Variants in ROCK1 observed in about 807,000 individuals in gnomAD.
ROCK1 encodes rho-associated protein kinase 1.
ROCK1 carries 36 observed loss-of-function variants against 196.8 expected under a neutral mutation model. The ratio of observed to expected loss-of-function variants is 0.18; its 90% confidence interval spans 0.14 to 0.24. The LOEUF (loss-of-function observed/expected upper bound fraction) is 0.24. ROCK1 is among the 10% of genes least tolerant of loss of function. The pLI is 1.00. For missense variants in ROCK1, 920 were observed against 1,562.0 expected (o/e 0.59, Z 6.93); for synonymous variants, 443 against 515.9 (o/e 0.86, Z 1.91).
chr18:20,949,058 T>C lies in ROCK1; in HGVS notation c.*2326A>G, dbSNP rs2035156996. 1 of 152,198 alleles carries C rather than the reference T, an allele frequency of 6.6e-6. No homozygotes were observed. The highest frequency in any genetic ancestry group is 1.5e-5 in the Non-Finnish European group (1 of 68,038). 9.4% of individuals were successfully genotyped at this position (152,198 alleles called of 1,614,324 possible). A position where few individuals can be genotyped will look rare whatever the true frequency, so the allele number is the denominator to read the frequency against. ...AACTTAGAAGAGGAAGCAGCTCTCC[T>C]GGTTGACCCAGTTCTGTAATGTGGC... On this transcript the variant is annotated 3_prime_UTR_variant, in exon 33 of 33. Coordinates refer to ENST00000399799, the MANE Select transcript of ROCK1 (RefSeq NM_005406.3).
chr18:21,034,398 AC>A (rs746894989), intron 9 of ROCK1, among the ~76,000 whole-genome samples: 37 of 152,332 alleles, frequency 2.4e-4, no homozygotes, highest in Non-Finnish European at 4.6e-4. Flanking sequence ...TTCAAAACTT[AC>A]TACAGAGCTA....
intron 27 of ROCK1, among the ~76,000 whole-genome samples, chr18:20,963,009 G>C (rs1183812186): frequency 6.6e-6 from 1 of 151,902 alleles, no homozygotes; most frequent in Non-Finnish European, 1.5e-5. Context: ...TGGTGATCTG[G>C]AGGTATAACG....
At chr18:20,985,356 A>C (rs2035568936) in intron 19 of ROCK1, among the ~76,000 whole-genome samples, 1 of 152,152 alleles carries the variant, frequency 6.6e-6, no homozygotes. Context: ...CAATCCAATC[A>C]TATTCTTCAG....
At chr18:21,020,325 C>G in intron 11 of ROCK1, 86 bp from the exon 12 acceptor site, 1 of 611,816 alleles carries the variant, frequency 1.6e-6, no homozygotes, top group Non-Finnish European at 2.6e-6. Flanking sequence ...ATATTTTAAA[C>G]CTTTTTAGAA....
At chr18:21,084,867 G>T (rs2036513052) in intron 1 of ROCK1, among the ~76,000 whole-genome samples, 1 of 152,202 alleles carries the variant, frequency 6.6e-6, no homozygotes, top group Non-Finnish European at 1.5e-5. Context: ...TACACCAACA[G>T]ATGAATGGAT....
chr18:21,021,311 T>C (rs1279367803), intron 11 of ROCK1, among the ~76,000 whole-genome samples: 1 of 152,192 alleles, frequency 6.6e-6, no homozygotes, highest in Middle Eastern at 3.4e-3. Flanking sequence ...ACAAGCAAGC[T>C]GGACATGAAT....
At chr18:21,089,152 T>C (rs981173047) in intron 1 of ROCK1, among the ~76,000 whole-genome samples, 1 of 152,032 alleles carries the variant, frequency 6.6e-6, no homozygotes, top group African/African-American at 2.4e-5. Context: ...GAAGTTCCCC[T>C]GGTTCAAGAA....
intron 1 of ROCK1, among the ~76,000 whole-genome samples, chr18:21,078,412 T>C (rs1362724987): frequency 1.4e-5 from 2 of 142,400 alleles, no homozygotes; most frequent in African/African-American, 5.4e-5. Context: ...CCTAGTGTGG[T>C]AGGAGTTATT....
chr18:21,044,246 A>T, intron 5 of ROCK1, 60 bp from the exon 6 acceptor site: 2 of 1,269,536 alleles, frequency 1.6e-6, no homozygotes. Context: ...TGTAAAAATT[A>T]TATGAGGCAG....
At chr18:20,972,027 G>C (rs189217833) in intron 22 of ROCK1, among the ~76,000 whole-genome samples, 1 of 152,258 alleles carries the variant, frequency 6.6e-6, no homozygotes, top group East Asian at 1.9e-4. Flanking sequence ...TCTGGCTGCT[G>C]TATTAAGATC....
At chr18:21,020,424 G>C (rs1293378548) in intron 11 of ROCK1, among the ~76,000 whole-genome samples, 185 bp from the exon 12 acceptor site, 4 of 151,664 alleles carry the variant, frequency 2.6e-5, no homozygotes, top group Non-Finnish European at 4.4e-5. Context: ...TAAACGTTAG[G>C]CCATTAGAAA....
At chr18:21,021,047 G>A (rs1414783502) in intron 11 of ROCK1, among the ~76,000 whole-genome samples, 1 of 152,174 alleles carries the variant, frequency 6.6e-6, no homozygotes, top group Non-Finnish European at 1.5e-5. Flanking sequence ...GTTCAGACAA[G>A]AGAATATGGA....
chr18:20,979,901 T>C lies in ROCK1; in HGVS notation c.2654+9A>G. 6.5e-7 allele frequency: 1 copy of C among 1,526,800 alleles called. No individual in the cohort carries two copies. The highest frequency in any genetic ancestry group is 1.2e-5 in the South Asian group (1 of 80,014). 94.6% of individuals were successfully genotyped at this position (1,526,800 alleles called of 1,614,324 possible). A position where few individuals can be genotyped will look rare whatever the true frequency, so the allele number is the denominator to read the frequency against. On this transcript the variant is annotated intron_variant, in intron 22 of 32. Transcript: ENST00000399799. ...TACTGATTCTTGTTCTAAAGTAAAA[T>C]GGACATACTTTTCATTTTGTAGTTC... is the stretch of plus-strand genomic sequence containing the variant.
intron 19 of ROCK1, among the ~76,000 whole-genome samples, chr18:20,986,130 G>C (rs1242891207): frequency 6.6e-6 from 1 of 152,052 alleles, no homozygotes; most frequent in African/African-American, 2.4e-5. Flanking sequence ...CGAAGTGCTG[G>C]GATTACAGGT....
intron 13 of ROCK1, among the ~76,000 whole-genome samples, chr18:21,011,024 A>G (rs1314600197): frequency 6.6e-6 from 1 of 152,094 alleles, no homozygotes; most frequent in Non-Finnish European, 1.5e-5. Flanking sequence ...TTGTTATGTT[A>G]TCTCTTCACA....
At chr18:21,057,880 T>A (rs554708666) in intron 2 of ROCK1, among the ~76,000 whole-genome samples, 1 of 152,224 alleles carries the variant, frequency 6.6e-6, no homozygotes, top group South Asian at 2.1e-4. Flanking sequence ...CCAGTAAATT[T>A]TACTTCTAGG....
intron 13 of ROCK1, among the ~76,000 whole-genome samples, chr18:21,014,846 G>A (rs1170210093): frequency 6.6e-6 from 1 of 152,106 alleles, no homozygotes; most frequent in Non-Finnish European, 1.5e-5. Context: ...TTCTTTTCAT[G>A]GGACTCATAG....
At chr18:20,979,772 C>G (rs1204204990) in intron 22 of ROCK1, 138 bp downstream of exon 22, 31 of 1,020,486 alleles carry the variant, frequency 3.0e-5, no homozygotes, top group Non-Finnish European at 3.7e-5. Context: ...TCAGCCTAAT[C>G]TGATTTGTTC....
intron 2 of ROCK1, among the ~76,000 whole-genome samples, chr18:21,054,038 T>C (rs1011208152): frequency 1.3e-5 from 2 of 152,208 alleles, no homozygotes; most frequent in Admixed American, 1.3e-4. Flanking sequence ...ATGGTCGCTG[T>C]TGTAGCTACT....
Sources: allele counts gnomAD v4.1 joint callset (sites outside exome capture counted in the v4.1 genomes callset), GRCh38; gene constraint gnomAD v4.1.1; transcripts MANE v1.5; gene names NCBI Gene and HGNC (gene_info 2026-07-23, HGNC 2026-07-21).